SLC39A11: variants seen among roughly 807,000 people sequenced by gnomAD.
SLC39A11 encodes the protein zinc transporter ZIP11.
SLC39A11 carries 33 observed loss-of-function variants against 36.1 expected under a neutral mutation model. That is an observed-to-expected ratio of 0.91 (90% confidence interval 0.69 to 1.22). The LOEUF (loss-of-function observed/expected upper bound fraction) is 1.22, where lower values mean the gene tolerates loss of function less well. SLC39A11 is among the 50% of genes most tolerant of loss of function. SLC39A11 has a pLI of 0.00. For synonymous variants in SLC39A11, 166 were observed against 170.3 expected (o/e 0.97, Z 0.20); for missense variants, 432 against 430.3 (o/e 1.00, Z -0.03).
At chr17:72,670,160 TACACACACACACAC>T (rs202032502) in intron 7 of SLC39A11, among the ~76,000 whole-genome samples, 7,013 of 104,624 alleles carry the variant, frequency 0.067, 269 homozygotes, top group Middle Eastern at 0.12. Flanking sequence ...ACATTTTATA[TACACACACACACAC>T]ACACACACAC....
At chr17:72,829,834 C>T (rs77973476) in intron 6 of SLC39A11, among the ~76,000 whole-genome samples, 2,825 of 152,200 alleles carry the variant, frequency 0.019, 87 homozygotes, top group African/African-American at 0.064. Context: ...GTGTAGCCAC[C>T]TTGTTCCCCT....
At chr17:72,715,192 C>T (rs116763577) in intron 7 of SLC39A11, among the ~76,000 whole-genome samples, 1,929 of 152,338 alleles carry the variant, frequency 0.013, 40 homozygotes, top group African/African-American at 0.043. Context: ...AAGTACCCCT[C>T]TGCCCAAGGG....
At chr17:72,939,979 A>G (rs543774254) in intron 5 of SLC39A11, among the ~76,000 whole-genome samples, 5 of 152,232 alleles carry the variant, frequency 3.3e-5, no homozygotes, top group Non-Finnish European at 5.9e-5. Context: ...TCCTTTGAGC[A>G]TCATGTCAGC....
intron 6 of SLC39A11, among the ~76,000 whole-genome samples, chr17:72,790,241 G>C (rs58378827): frequency 0.063 from 9,619 of 152,186 alleles, 456 homozygotes; most frequent in African/African-American, 0.13. Context: ...CAGGCTGGGG[G>C]GTCATCCCAG....
chr17:72,720,925 G>A (rs1416849717), intron 7 of SLC39A11, among the ~76,000 whole-genome samples: 1 of 151,966 alleles, frequency 6.6e-6, no homozygotes, highest in Non-Finnish European at 1.5e-5. Context: ...TCTGCAGTAA[G>A]TTAAACTTGA....
At chr17:73,081,660 C>CAA (rs1568242755) in intron 3 of SLC39A11, among the ~76,000 whole-genome samples, 1 of 81,608 alleles carries the variant, frequency 1.2e-5, no homozygotes, top group Non-Finnish European at 2.3e-5. Flanking sequence ...CACACACACA[C>CAA]ACACACACAC....
At chr17:72,828,418 G>A (rs2078120645) in intron 6 of SLC39A11, among the ~76,000 whole-genome samples, 3 of 152,234 alleles carry the variant, frequency 2.0e-5, no homozygotes, top group African/African-American at 7.2e-5. Context: ...GTCGGAAAAG[G>A]CGAAGAAATT....
In SLC39A11 at chr17:73,031,552, TCACCAAGTGAGG is replaced by T. The variant is rs1246684395; in HGVS notation, c.298_306+3del. 2 of 1,614,058 alleles carry T rather than the reference TCACCAAGTGAGG, an allele frequency of 1.2e-6. No individual in the cohort carries two copies. The highest frequency in any genetic ancestry group is 1.7e-6 in the Non-Finnish European group (2 of 1,180,000). ...ACGACAGCTAAAAGTAGAGTGGTAC[TCACCAAGTGAGG>T]CATCAGGAGGTCAGCCAAGTAGACA... is the stretch of plus-strand genomic sequence containing the variant. On this transcript the variant is annotated splice_donor_variant and splice_donor_region_variant and coding_sequence_variant and intron_variant, in exon 4 of 10. Coordinates refer to ENST00000255559, the MANE Select transcript of SLC39A11 (RefSeq NM_139177.4). LOFTEE classifies it high-confidence loss of function.
At position 72,969,993 on chromosome 17, in the gene SLC39A11, G is replaced by A. The variant is rs191281542; in HGVS notation, c.307-22118C>T. Among the ~76,000 whole-genome samples, 558 of 152,276 alleles carry A rather than the reference G, an allele frequency of 3.7e-3. 3 individuals are homozygous for A. Among genetic ancestry groups the A allele is most frequent in the Non-Finnish European group, 7.0e-3 (475 of 68,028 alleles). The stretch of plus-strand genomic sequence containing the variant: ...GAAGCCCAGGGAAAGAGACACCAAC[G>A]GCAGTCCCAGCACCACCTCCACATA... On this transcript the variant is annotated intron_variant, in intron 4 of 9. Transcript: ENST00000255559.
At chr17:72,843,245 G>T (rs144514659) in intron 6 of SLC39A11, among the ~76,000 whole-genome samples, 1 of 152,144 alleles carries the variant, frequency 6.6e-6, no homozygotes, top group African/African-American at 2.4e-5. Flanking sequence ...CACCGCGCCC[G>T]GCCTGGGGAG....
intron 4 of SLC39A11, among the ~76,000 whole-genome samples, chr17:72,981,439 G>A (rs1047743325): frequency 6.6e-6 from 1 of 152,108 alleles, no homozygotes; most frequent in African/African-American, 2.4e-5. Flanking sequence ...AGAAAAGATG[G>A]ATTATTCAAC....
At chr17:73,026,342 C>A (rs1008113838) in intron 4 of SLC39A11, among the ~76,000 whole-genome samples, 2 of 151,360 alleles carry the variant, frequency 1.3e-5, no homozygotes, top group Non-Finnish European at 3.0e-5. Context: ...ATGGTGAAAC[C>A]CCATCTCTAC....
At chr17:72,671,997 T>G (rs1451793019) in intron 7 of SLC39A11, among the ~76,000 whole-genome samples, 2 of 152,192 alleles carry the variant, frequency 1.3e-5, no homozygotes, top group Non-Finnish European at 2.9e-5. Context: ...ACTTGAAATC[T>G]GTTAAGAGAA....
At chr17:72,861,669 A>ATATATCC (rs1383400282) in intron 5 of SLC39A11, among the ~76,000 whole-genome samples, 4 of 111,896 alleles carry the variant, frequency 3.6e-5, no homozygotes, top group South Asian at 2.5e-4. Context: ...ATATATATAT[A>ATATATCC]TATATATATA....
rs574455826 is a variant in SLC39A11, at chr17:72,773,418, T to C, written c.602-36699A>G. On this transcript the variant is annotated intron_variant, in intron 6 of 9. Coordinates refer to ENST00000255559, the MANE Select transcript of SLC39A11 (RefSeq NM_139177.4). The stretch of plus-strand genomic sequence containing the variant: ...TTCTCATGGTAGTGAATAAGTATCA[T>C]GAGAGCTGATGGTTTTATAAGGGGA... 2.0e-5 allele frequency among the ~76,000 whole-genome samples: 3 copies of C among 152,306 alleles called. No individual in the cohort carries two copies. In the East Asian group the frequency reaches 5.8e-4, roughly 29 times the overall value.
At chr17:72,754,061 C>T (rs57159566) in intron 6 of SLC39A11, among the ~76,000 whole-genome samples, 1,456 of 132,160 alleles carry the variant, frequency 0.011, 34 homozygotes, top group African/African-American at 0.038. Context: ...TACACACACA[C>T]ACACACACAC....
At position 72,858,722 on chromosome 17, in the gene SLC39A11, T is replaced by C. The variant is rs369235969; in HGVS notation, c.431-8918A>G. The stretch of plus-strand genomic sequence containing the variant: ...CCTGGTTAGCTGTATTCCTAGGTAT[T>C]GTATTCTTCTGGGGTCAATTGTGAA... On this transcript the variant is annotated intron_variant, in intron 5 of 9. Transcript: ENST00000255559. Among the ~76,000 whole-genome samples the C allele has an allele frequency of 9.8e-5, 15 of 152,344 alleles. No homozygotes were observed. The East Asian group carries it at 2.9e-3, about 29-fold the overall frequency.
chr17:72,978,225 CCT>C (rs2088013181), intron 4 of SLC39A11, among the ~76,000 whole-genome samples: 1 of 152,104 alleles, frequency 6.6e-6, no homozygotes, highest in Non-Finnish European at 1.5e-5. Context: ...TTCCTTCCTT[CCT>C]CTTTCCCTTC....
At chr17:72,829,874 C>G (rs2078202525) in intron 6 of SLC39A11, among the ~76,000 whole-genome samples, 6 of 152,088 alleles carry the variant, frequency 3.9e-5, no homozygotes, top group South Asian at 2.1e-4. Context: ...CCCCACTCAG[C>G]TGAAATGCCC....
Sources: allele counts gnomAD v4.1 joint callset (sites outside exome capture counted in the v4.1 genomes callset), GRCh38; gene constraint gnomAD v4.1.1; transcripts MANE v1.5; gene names NCBI Gene and HGNC (gene_info 2026-07-23, HGNC 2026-07-21).